Variants in FIG4 observed in about 807,000 individuals in gnomAD.
The protein encoded by FIG4 is FIG4 phosphoinositide 5-phosphatase, also known as polyphosphoinositide phosphatase.
FIG4 carries 112 observed loss-of-function variants against 118.6 expected under a neutral mutation model. That is an observed-to-expected ratio of 0.94 (90% CI 0.81 to 1.11). The LOEUF (loss-of-function observed/expected upper bound fraction) is 1.11, where lower values mean the gene tolerates loss of function less well. Among genes scored for constraint, FIG4 ranks in the 50% least tolerant of loss-of-function variants. FIG4 has a pLI of 0.00. For missense variants in FIG4, 969 were observed against 1,111.7 expected (o/e 0.87, Z 1.83); for synonymous variants, 369 against 381.2 (o/e 0.97, Z 0.37).
chr6:109,788,059 A>G (rs1778033996), intron 18 of FIG4, among the ~76,000 whole-genome samples: 1 of 152,188 alleles, frequency 6.6e-6, no homozygotes. Flanking sequence ...TTTGTGTTAG[A>G]TGACTTTGCA....
At chr6:109,777,776 A>G (rs1273400813) in intron 16 of FIG4, among the ~76,000 whole-genome samples, 3 of 152,238 alleles carry the variant, frequency 2.0e-5, no homozygotes, top group South Asian at 4.1e-4. Flanking sequence ...CTCAGAAGAA[A>G]CAAACAGTTT....
At chr6:109,710,028 G>C (rs1213827779) in intron 1 of FIG4, among the ~76,000 whole-genome samples, 1 of 152,168 alleles carries the variant, frequency 6.6e-6, no homozygotes, top group Non-Finnish European at 1.5e-5. Context: ...AGACATTCTT[G>C]TCTTGTGCCA....
At chr6:109,772,038 C>T (rs1170299010) in intron 15 of FIG4, among the ~76,000 whole-genome samples, 1 of 152,190 alleles carries the variant, frequency 6.6e-6, no homozygotes, top group Non-Finnish European at 1.5e-5. Context: ...TTCTCTCTAC[C>T]TGCTCCACTT....
intron 22 of FIG4, among the ~76,000 whole-genome samples, chr6:109,808,350 C>CAAAAAA (rs55948419): frequency 1.7e-3 from 116 of 66,962 alleles, no homozygotes; most frequent in Middle Eastern, 0.011. Context: ...ACACTCACAG[C>CAAAAAA]AAAAAAAAAA....
At chr6:109,770,355 GTGTGTA>G (rs921832400) in intron 15 of FIG4, among the ~76,000 whole-genome samples, 2 of 151,824 alleles carry the variant, frequency 1.3e-5, no homozygotes, top group African/African-American at 4.9e-5. Flanking sequence ...ACGTGTGTGT[GTGTGTA>G]TATATATGCC....
chr6:109,755,567 A>G (rs900284889), intron 10 of FIG4, among the ~76,000 whole-genome samples: 1 of 152,118 alleles, frequency 6.6e-6, no homozygotes, highest in African/African-American at 2.4e-5. Context: ...ATTGTGTGGG[A>G]GTCAAAGTCT....
intron 12 of FIG4, 74 bp downstream of exon 12, chr6:109,762,281 G>A: frequency 1.1e-6 from 1 of 896,774 alleles, no homozygotes; most frequent in Non-Finnish European, 1.9e-6. Context: ...ACAGCAGTTT[G>A]TACTACTTGG....
rs527268229 is a variant in FIG4, at chr6:109,809,818, A to G, written c.2546+12967A>G. On this transcript the variant is annotated intron_variant, in intron 22 of 22. Transcript: ENST00000230124. ...AGAACCTCTAACTCAACTGGTTTAA[A>G]CAGTAAGATAATTTATTATCTTACT... Among the ~76,000 whole-genome samples, 7 of 152,350 alleles carry G rather than the reference A, an allele frequency of 4.6e-5. No individual in the cohort carries two copies. In the South Asian group the frequency reaches 1.0e-3, roughly 23 times the overall value.
At chr6:109,800,698 C>T (rs1182682427) in intron 22 of FIG4, among the ~76,000 whole-genome samples, 1 of 152,116 alleles carries the variant, frequency 6.6e-6, no homozygotes, top group Non-Finnish European at 1.5e-5. Flanking sequence ...CATGAGCATC[C>T]CTAGAATGCT....
intron 11 of FIG4, 93 bp downstream of exon 11, chr6:109,760,476 C>A: frequency 8.5e-7 from 1 of 1,171,884 alleles, no homozygotes; most frequent in Non-Finnish European, 1.3e-6. Context: ...GTAAATGTTA[C>A]CCTGTTAATT....
At chr6:109,810,991 T>A (rs1254669933) in intron 22 of FIG4, among the ~76,000 whole-genome samples, 1 of 152,136 alleles carries the variant, frequency 6.6e-6, no homozygotes, top group African/African-American at 2.4e-5. Context: ...GTGTTGTAGT[T>A]CCCAGATAAG....
intron 18 of FIG4, among the ~76,000 whole-genome samples, chr6:109,788,729 A>G (rs1002230159): frequency 2.6e-5 from 4 of 152,252 alleles, no homozygotes; most frequent in Admixed American, 6.5e-5. Context: ...ACATTTGCAA[A>G]TGTTAAAATA....
intron 1 of FIG4, 28 bp downstream of exon 1, chr6:109,691,529 G>T: frequency 6.4e-7 from 1 of 1,552,210 alleles, no homozygotes; most frequent in Non-Finnish European, 8.7e-7. Flanking sequence ...GCGGGGCGCA[G>T]GCGGGAGGAT....
intron 16 of FIG4, among the ~76,000 whole-genome samples, chr6:109,780,372 C>T (rs1777764904): frequency 6.6e-6 from 1 of 152,056 alleles, no homozygotes; most frequent in African/African-American, 2.4e-5. Flanking sequence ...ACCACCACAC[C>T]CAGCTAATTT....
chr6:109,797,896 C>CAAAAAA (rs11341028), intron 22 of FIG4, among the ~76,000 whole-genome samples: 1 of 78,924 alleles, frequency 1.3e-5, no homozygotes, highest in African/African-American at 3.8e-5. Flanking sequence ...ACTCCATCTC[C>CAAAAAA]AAAAAAAAAA....
At chr6:109,710,541 T>C (rs1775224967) in intron 1 of FIG4, among the ~76,000 whole-genome samples, 1 of 152,208 alleles carries the variant, frequency 6.6e-6, no homozygotes, top group Non-Finnish European at 1.5e-5. Flanking sequence ...TACTAGTTCT[T>C]CTTTGTACAT....
chr6:109,768,531 A>G (rs970188762), intron 15 of FIG4, among the ~76,000 whole-genome samples: 2 of 152,156 alleles, frequency 1.3e-5, no homozygotes, highest in South Asian at 2.1e-4. Context: ...AAATTTATGC[A>G]CAACTTAACT....
At chr6:109,803,187 C>T (rs776587649) in intron 22 of FIG4, among the ~76,000 whole-genome samples, 8 of 152,066 alleles carry the variant, frequency 5.3e-5, no homozygotes, top group African/African-American at 1.2e-4. Context: ...CTTACATTTG[C>T]GTTTTGGAAA....
chr6:109,807,883 G>A lies in FIG4; in HGVS notation c.2546+11032G>A, dbSNP rs373585557. ...ATAGGGAATCCTTTCCCCATTGCTT[G>A]TTTTGTCAGATTTGTCAAAGATTGT... On this transcript the variant is annotated intron_variant, in intron 22 of 22. Transcript: ENST00000230124. 2.0e-5 allele frequency among the ~76,000 whole-genome samples: 3 copies of A among 152,164 alleles called. No homozygotes were observed. In the East Asian group the frequency reaches 5.8e-4, roughly 29 times the overall value.
Sources: allele counts gnomAD v4.1 joint callset (sites outside exome capture counted in the v4.1 genomes callset), GRCh38; gene constraint gnomAD v4.1.1; transcripts MANE v1.5; gene names NCBI Gene and HGNC (gene_info 2026-07-23, HGNC 2026-07-21).